NEIL3: variants seen among roughly 807,000 people sequenced by gnomAD.
NEIL3 encodes endonuclease 8-like 3.
In NEIL3, 48 loss-of-function variants were observed where a neutral mutation model predicts 57.5. The observed-to-expected ratio is 0.83, with a 90% confidence interval of 0.66 to 1.06. The LOEUF (loss-of-function observed/expected upper bound fraction) is 1.06, where lower values mean the gene tolerates loss of function less well. Among genes scored for constraint, NEIL3 ranks in the 50% least tolerant of loss-of-function variants. NEIL3 has a pLI of 0.00. For synonymous variants in NEIL3, 261 were observed against 253.2 expected (o/e 1.03, Z -0.29); for missense variants, 717 against 739.1 (o/e 0.97, Z 0.35).
chr4:177,325,872 G>A (rs1337342985), intron 2 of NEIL3, among the ~76,000 whole-genome samples: 1 of 151,884 alleles, frequency 6.6e-6, no homozygotes, highest in Non-Finnish European at 1.5e-5. Context: ...GTCTATTAAT[G>A]TTTTCCTTTT....
chr4:177,334,158 C>T (rs1027966047), intron 2 of NEIL3, among the ~76,000 whole-genome samples: 2 of 150,180 alleles, frequency 1.3e-5, no homozygotes, highest in African/African-American at 4.9e-5. Flanking sequence ...AAAAAAAAAT[C>T]AGTATCAATT....
At chr4:177,320,655 A>G (rs999349625) in intron 1 of NEIL3, among the ~76,000 whole-genome samples, 2 of 149,200 alleles carry the variant, frequency 1.3e-5, no homozygotes, top group African/African-American at 5.0e-5. Flanking sequence ...TTTTTTTTGT[A>G]TTTTTAGTAG....
the NEIL3 span, among the ~76,000 whole-genome samples, chr4:177,368,485 C>A: frequency 6.6e-6 from 1 of 152,160 alleles, no homozygotes; most frequent in African/African-American, 2.4e-5. Flanking sequence ...CTGGAGTATA[C>A]TATGGTCCGC....
In NEIL3 at chr4:177,359,017, G is replaced by C. The variant is rs553283712; in HGVS notation, c.1461-1486G>C. ...GAAATCTCTTGACTTCTCTACAACT[G>C]TCCAGATATCTGGCTTCCCTTGAAG... On this transcript the variant is annotated intron_variant, in intron 8 of 9. Transcript: ENST00000264596. Among the ~76,000 whole-genome samples, 9 of 152,302 alleles carry C rather than the reference G, an allele frequency of 5.9e-5. No homozygotes were observed. The East Asian group carries it at 1.7e-3, about 29-fold the overall frequency.
At position 177,360,819 on chromosome 4, in the gene NEIL3, A is replaced by T. The variant is rs35317551; in HGVS notation, c.1635+142A>T. 19,424 of 580,110 alleles carry T rather than the reference A, an allele frequency of 0.033. 433 individuals are homozygous for T. Among genetic ancestry groups the T allele is most frequent in the Middle Eastern group, 0.058 (124 of 2,136 alleles). The allele number at this position is 580,110 out of a possible 1,614,324, so 35.9% of individuals were successfully genotyped here. A position where few individuals can be genotyped will look rare whatever the true frequency, so the allele number is the denominator to read the frequency against. ...ATATTGGCATTCAGTCTAAAGCTTG[A>T]ATGTTGACTAACTTAAAATTCAGAT... On this transcript the variant is annotated intron_variant, in intron 9 of 9. Coordinates refer to ENST00000264596, the MANE Select transcript of NEIL3 (RefSeq NM_018248.3).
At chr4:177,344,155 C>T (rs1451371423) in intron 6 of NEIL3, among the ~76,000 whole-genome samples, 1 of 152,156 alleles carries the variant, frequency 6.6e-6, no homozygotes, top group Admixed American at 6.5e-5. Flanking sequence ...TGTAATCCCT[C>T]TTCCCTCCCG....
chr4:177,312,249 T>A (rs1390970495), intron 1 of NEIL3, among the ~76,000 whole-genome samples: 2 of 152,160 alleles, frequency 1.3e-5, no homozygotes, highest in African/African-American at 2.4e-5. Context: ...AGATCACATG[T>A]CTAGTAAGGG....
intron 2 of NEIL3, among the ~76,000 whole-genome samples, chr4:177,325,921 C>T (rs1734771463): frequency 6.6e-6 from 1 of 151,870 alleles, no homozygotes; most frequent in Non-Finnish European, 1.5e-5. Context: ...TTATAGTATT[C>T]TGTATATATT....
chr4:177,314,623 T>A (rs1734538826), intron 1 of NEIL3, among the ~76,000 whole-genome samples: 1 of 152,162 alleles, frequency 6.6e-6, no homozygotes, highest in Non-Finnish European at 1.5e-5. Flanking sequence ...AGGTACAAAG[T>A]CTTTAGTCTG....
At chr4:177,365,833 CGAT>C (rs1331227129), downstream of NEIL3, among the ~76,000 whole-genome samples, 1 of 152,078 alleles carries the variant, frequency 6.6e-6, no homozygotes, top group African/African-American at 2.4e-5. Context: ...ATGAACCTAT[CGAT>C]GATGTGAAGT....
At chr4:177,321,290 A>G (rs1401641661) in intron 1 of NEIL3, among the ~76,000 whole-genome samples, 2 of 152,168 alleles carry the variant, frequency 1.3e-5, no homozygotes, top group Non-Finnish European at 2.9e-5. Flanking sequence ...GAAAAACACA[A>G]AAGAAGTTAG....
intron 1 of NEIL3, among the ~76,000 whole-genome samples, chr4:177,320,244 G>A (rs1178102024): frequency 1.3e-5 from 2 of 152,050 alleles, no homozygotes; most frequent in Non-Finnish European, 2.9e-5. Context: ...TGTCAATTCA[G>A]GGCTCTAAAA....
chr4:177,353,927 G>T (rs1322656261), intron 8 of NEIL3, 199 bp downstream of exon 8: 10 of 535,312 alleles, frequency 1.9e-5, no homozygotes, highest in Non-Finnish European at 2.6e-5. Context: ...CATCAGGCCC[G>T]ACTAATTTTT....
chr4:177,350,851 TA>T (rs1291375429), intron 6 of NEIL3, among the ~76,000 whole-genome samples: 2 of 152,118 alleles, frequency 1.3e-5, no homozygotes, highest in African/African-American at 4.8e-5. Context: ...TGACTCTAAA[TA>T]ACTTTTATTT....
chr4:177,337,770 G>C (rs1036415111), intron 4 of NEIL3, among the ~76,000 whole-genome samples: 1 of 152,098 alleles, frequency 6.6e-6, no homozygotes. Context: ...AGGCTGACGC[G>C]GGCAGATCAC....
Position 177,322,499 on chromosome 4 carries a change from G to A in NEIL3, c.197G>A (p.Ser66Asn), listed in dbSNP as rs1734704440. The change falls in exon 2 of 10, where the codon AGC becomes AAC. Residue 66 changes from serine (S) to asparagine (N), a missense_variant. Physicochemically the swap from Ser to Asn is conservative, Grantham distance 46. Coordinates refer to ENST00000264596, the MANE Select transcript of NEIL3 (RefSeq NM_018248.3). ...LNNDSSQNVL[S>N]LFNGYVYSGV... ...AATGATTCCAGCCAGAATGTCTTGA[G>A]CCTGTTTAATGGATATGTTTACAGT... 6.2e-7 allele frequency: 1 copy of A among 1,613,962 alleles called. No individual in the cohort carries two copies. The highest frequency in any genetic ancestry group is 8.5e-7 in the Non-Finnish European group (1 of 1,179,896).
intron 1 of NEIL3, among the ~76,000 whole-genome samples, chr4:177,321,269 G>A (rs542742999): frequency 1.3e-5 from 2 of 152,212 alleles, no homozygotes; most frequent in African/African-American, 4.8e-5. Context: ...AGGATCCTTA[G>A]GCCCATTTGA....
intron 4 of NEIL3, among the ~76,000 whole-genome samples, chr4:177,338,158 GTAA>G (rs1735015745): frequency 6.6e-6 from 1 of 152,172 alleles, no homozygotes; most frequent in African/African-American, 2.4e-5. Context: ...GATTTGGAAA[GTAA>G]TAAATATTTT....
At chr4:177,361,413 A>G (rs1182100971) in intron 9 of NEIL3, among the ~76,000 whole-genome samples, 1 of 152,222 alleles carries the variant, frequency 6.6e-6, no homozygotes, top group Non-Finnish European at 1.5e-5. Context: ...TGCTGGCGCA[A>G]AGATTTTCTG....
Sources: allele counts gnomAD v4.1 joint callset (sites outside exome capture counted in the v4.1 genomes callset), GRCh38; gene constraint gnomAD v4.1.1; transcripts MANE v1.5; gene names NCBI Gene and HGNC (gene_info 2026-07-23, HGNC 2026-07-21).